The following TMEM132C variants were observed in gnomAD, a reference collection of about 807,000 sequenced individuals.
TMEM132C encodes transmembrane protein 132C.
TMEM132C carries 29 observed loss-of-function variants against 61.4 expected under a neutral mutation model. That is an observed-to-expected ratio of 0.47 (90% CI 0.35 to 0.64). The LOEUF is 0.64. Among genes scored for constraint, TMEM132C ranks in the 30% least tolerant of loss-of-function variants. The pLI is 0.00. For synonymous variants in TMEM132C, 656 were observed against 633.1 expected, an observed-to-expected ratio of 1.04 and a Z score of -0.54; for missense variants, 1,408 against 1,476.9, an observed-to-expected ratio of 0.95 and a Z score of 0.76.
At chr12:128,683,632 A>T (rs927722678) in intron 5 of TMEM132C, among the ~76,000 whole-genome samples, 7 of 152,228 alleles carry the variant, frequency 4.6e-5, no homozygotes, top group African/African-American at 1.7e-4. Context: ...ATCCACACAT[A>T]TAAACTCTGA....
At chr12:128,665,958 C>CACACAT (rs1954463983) in intron 4 of TMEM132C, among the ~76,000 whole-genome samples, 2 of 148,536 alleles carry the variant, frequency 1.3e-5, no homozygotes, top group East Asian at 2.0e-4. Flanking sequence ...GGCACACACA[C>CACACAT]ACACACGGGC....
rs1401975615 is a variant in TMEM132C at position 128,415,296 on chromosome 12, C to T, written c.650C>T (p.Ser217Phe). 2 of 1,597,068 alleles carry T rather than the reference C, an allele frequency of 1.3e-6. No homozygotes were observed. Among genetic ancestry groups the T allele is most frequent in the African/African-American group, 1.3e-5 (1 of 74,486 alleles). The change falls in exon 2 of 9, where the codon TCC (serine) becomes TTC (phenylalanine). Residue 217 changes from serine to phenylalanine, a missense_variant. Coordinates refer to ENST00000435159, the MANE Select transcript of TMEM132C (RefSeq NM_001136103.3). The surrounding 1 kb of genome is among the most constrained non-coding windows in gnomAD (Gnocchi z 5.8). The part of the protein sequence containing the change: ...APTVGAGRKK[S>F]MDQPEGTPVE... The stretch of plus-strand genomic sequence containing the variant: ...ACGGTGGGTGCCGGGAGGAAGAAGT[C>T]CATGGACCAGCCGGAGGGGACCCCT...
intron 3 of TMEM132C, among the ~76,000 whole-genome samples, chr12:128,597,561 G>A (rs2135571165): frequency 6.6e-6 from 1 of 152,146 alleles, no homozygotes; most frequent in Non-Finnish European, 1.5e-5. Context: ...CTAGAACAAA[G>A]GAACATAGAT....
At chr12:128,638,608 G>T (rs1447116106) in intron 4 of TMEM132C, among the ~76,000 whole-genome samples, 1 of 152,104 alleles carries the variant, frequency 6.6e-6, no homozygotes, top group African/African-American at 2.4e-5. Context: ...AATATACCCT[G>T]GTCACACAGC....
At position 128,622,355 on chromosome 12, in the gene TMEM132C, AAAAAAATATATATATATATATAT is replaced by A. The variant is rs1247673006; in HGVS notation, c.1305+6022_1305+6044del. 2.7e-4 allele frequency among the ~76,000 whole-genome samples: 17 copies of A among 62,788 alleles called. 1 individual carries two copies. The highest frequency in any genetic ancestry group is 1.3e-3 in the African/African-American group (14 of 10,768). 41.2% of individuals were successfully genotyped at this position (62,788 alleles called of 152,430 possible). On this transcript the variant is annotated intron_variant, in intron 4 of 8. Transcript: ENST00000435159. ...TGAGACTTTGTCTCAAAAAAAAAAA[AAAAAAATATATATATATATATAT>A]ATATATATATATATATATATATAAC...
intron 2 of TMEM132C, among the ~76,000 whole-genome samples, chr12:128,493,974 T>A (rs1418474739): frequency 3.3e-5 from 5 of 152,184 alleles, no homozygotes; most frequent in African/African-American, 7.2e-5. Flanking sequence ...CAGTATGATA[T>A]TGGCTGTGGG....
chr12:128,295,528 T>C (rs1616053), intron 1 of TMEM132C, among the ~76,000 whole-genome samples: 34,443 of 148,952 alleles, frequency 0.23, 4,412 homozygotes, highest in East Asian at 0.51. Flanking sequence ...CAGGGCGTCC[T>C]GTCTGTAACA....
At chr12:128,654,063 AGAGACATTG>A (rs1303771355) in intron 4 of TMEM132C, among the ~76,000 whole-genome samples, 2 of 152,242 alleles carry the variant, frequency 1.3e-5, no homozygotes, top group African/African-American at 4.8e-5. Flanking sequence ...CAAAGAATAA[AGAGACATTG>A]TTGCAGGTTG....
chr12:128,493,184 G>T (rs567411789), intron 2 of TMEM132C, among the ~76,000 whole-genome samples: 1 of 152,028 alleles, frequency 6.6e-6, no homozygotes, highest in Non-Finnish European at 1.5e-5. Context: ...ATTTCTGAGG[G>T]CTCTGTTCTG....
At position 128,705,391 on chromosome 12, in the gene TMEM132C, C is replaced by T; in HGVS notation, c.2423C>T (p.Pro808Leu). The T allele has an allele frequency of 6.4e-7, 1 of 1,551,218 alleles. No homozygotes were observed. The highest frequency in any genetic ancestry group is 8.7e-7 in the Non-Finnish European group (1 of 1,146,986). ...KFGQNDADSS[P>L]GGDYEEDEIK... ...GGACAGAACGATGCTGACTCCAGCCCCGGCGGGGACTATGAGGAAGATGAG... is the reference window on the plus strand; with the variant it reads ...GGACAGAACGATGCTGACTCCAGCCTCGGCGGGGACTATGAGGAAGATGAG... The change falls in exon 9 of 9, where the codon CCC becomes CTC. Residue 808 changes from proline (P) to leucine (L), a missense_variant. Pro to Leu is a moderately conservative substitution (Grantham distance 98). Coordinates refer to ENST00000435159, the MANE Select transcript of TMEM132C (RefSeq NM_001136103.3).
intron 1 of TMEM132C, among the ~76,000 whole-genome samples, chr12:128,271,480 A>G (rs1870520669): frequency 6.6e-6 from 1 of 152,128 alleles, no homozygotes; most frequent in Non-Finnish European, 1.5e-5. Flanking sequence ...ATTTTATCAA[A>G]TGCTCTTTTG....
At chr12:128,595,156 A>G (rs975892381) in intron 3 of TMEM132C, among the ~76,000 whole-genome samples, 3 of 151,936 alleles carry the variant, frequency 2.0e-5, no homozygotes, top group African/African-American at 7.3e-5. Flanking sequence ...TATCCACTGC[A>G]TTTTTTCTGG....
chr12:128,669,323 G>A (rs1392696230), intron 4 of TMEM132C, 94 bp from the exon 5 acceptor site: 6 of 1,434,672 alleles, frequency 4.2e-6, no homozygotes, highest in Non-Finnish European at 5.6e-6. Context: ...AGGACAGCCT[G>A]GTGTTTACCC....
intron 2 of TMEM132C, among the ~76,000 whole-genome samples, chr12:128,433,874 A>G (rs547991682): frequency 7.2e-5 from 11 of 152,368 alleles, no homozygotes; most frequent in South Asian, 2.1e-4. Context: ...ACAATCCCCT[A>G]TGTTTCCTGT....
At chr12:128,508,227 A>G (rs551935903) in intron 2 of TMEM132C, among the ~76,000 whole-genome samples, 7 of 152,300 alleles carry the variant, frequency 4.6e-5, no homozygotes, top group African/African-American at 1.7e-4. Context: ...TTATAAAACC[A>G]TCAGATTTCA....
chr12:128,626,739 C>G lies in TMEM132C; in HGVS notation c.1305+10404C>G, dbSNP rs576091523. Among the ~76,000 whole-genome samples the G allele has an allele frequency of 1.3e-3, 196 of 152,316 alleles. 1 individual carries two copies. The highest frequency in any genetic ancestry group is 4.4e-3 in the African/African-American group (183 of 41,556). Reference sequence around the variant, plus strand: ...GGATTACAGGTGTGAGCCACCATGCCCGGCCAGTAACTGCATTTCAATACA... The same window carrying G: ...GGATTACAGGTGTGAGCCACCATGCGCGGCCAGTAACTGCATTTCAATACA... On this transcript the variant is annotated intron_variant, in intron 4 of 8. Coordinates refer to ENST00000435159, the MANE Select transcript of TMEM132C (RefSeq NM_001136103.3).
At chr12:128,610,201 C>T (rs995708012) in intron 3 of TMEM132C, among the ~76,000 whole-genome samples, 1 of 152,204 alleles carries the variant, frequency 6.6e-6, no homozygotes, top group Non-Finnish European at 1.5e-5. Context: ...AAGCCTGGAT[C>T]GAGTGATTCT....
intron 2 of TMEM132C, among the ~76,000 whole-genome samples, chr12:128,454,478 A>C (rs535505674): frequency 2.6e-5 from 4 of 152,202 alleles, no homozygotes; most frequent in Non-Finnish European, 5.9e-5. Flanking sequence ...GTTGTTTACA[A>C]ATTACTCAGA....
At position 128,606,222 on chromosome 12, in the gene TMEM132C, C is replaced by T. The variant is rs150184346; in HGVS notation, c.1122-9930C>T. Among the ~76,000 whole-genome samples the T allele has an allele frequency of 2.1e-3, 319 of 152,354 alleles. 3 individuals are homozygous for T. Among genetic ancestry groups the T allele is most frequent in the African/African-American group, 6.9e-3 (285 of 41,594 alleles). ...TGACACACTTCTGGTATGTGAGGCC[C>T]ATGCAGGCCACCTGCTGTGCTTCAG... On this transcript the variant is annotated intron_variant, in intron 3 of 8. Transcript: ENST00000435159.
Sources: gnomAD v4.1 joint callset for allele counts (sites outside exome capture counted in the v4.1 genomes callset) on GRCh38, gnomAD v4.1.1 for gene constraint, Gnocchi (gnomAD v3.1) non-coding constraint, MANE v1.5 for transcripts, NCBI Gene and HGNC (gene_info 2026-07-23, HGNC 2026-07-21) for gene names.